RFWD3: variants seen among roughly 807,000 people sequenced by gnomAD.
The protein encoded by RFWD3 is ring finger and WD repeat domain 3, also known as E3 ubiquitin-protein ligase RFWD3.
In RFWD3, 65 loss-of-function variants were observed where a neutral mutation model predicts 87.7. The observed-to-expected ratio is 0.74, with a 90% CI of 0.61 to 0.91. The LOEUF (loss-of-function observed/expected upper bound fraction) is 0.91. Ranked by LOEUF, RFWD3 falls within the 40% of genes least tolerant of loss-of-function variation. The probability of loss-of-function intolerance (pLI) is 0.00; values close to 1 mark genes in which losing one functional copy is unlikely to be tolerated. For synonymous variants in RFWD3, 433 were observed against 352.8 expected, an observed-to-expected ratio of 1.23 and a Z score of -2.55; for missense variants, 1,078 against 938.5, an observed-to-expected ratio of 1.15 and a Z score of -1.94.
chr16:74,644,578 G>A lies in RFWD3; in HGVS notation c.950C>T (p.Ser317Phe). 6.2e-7 allele frequency: 1 copy of A among 1,614,168 alleles called. No homozygotes were observed. Among genetic ancestry groups the A allele is most frequent in the Non-Finnish European group, 8.5e-7 (1 of 1,180,042 alleles). Residue 317 changes from serine (S) to phenylalanine (F), a missense_variant, in exon 5 of 13, where the codon TCC (serine) becomes TTC (phenylalanine). Physicochemically the swap from Ser to Phe is radical, Grantham distance 155 (BLOSUM62 -2). Transcript: ENST00000361070. ...TCGTACTTGTCCTTTAAGCCACGTG[G>A]AAATGCACCTATACCCAAAGAGATG... ...CGHLFGYRCI[S>F]TWLKGQVRKC...
chr16:74,654,528 C>T (rs1384120770), intron 2 of RFWD3, among the ~76,000 whole-genome samples: 1 of 152,054 alleles, frequency 6.6e-6, no homozygotes, highest in African/African-American at 2.4e-5. Flanking sequence ...ATTCCTTATT[C>T]CCTGAGACAA....
chr16:74,656,420 T>C (rs758599981), intron 2 of RFWD3, among the ~76,000 whole-genome samples: 1 of 152,008 alleles, frequency 6.6e-6, no homozygotes, highest in South Asian at 2.1e-4. Context: ...AGATGATAGC[T>C]GCCAGTGATT....
At chr16:74,656,030 C>T (rs1960949631) in intron 2 of RFWD3, among the ~76,000 whole-genome samples, 1 of 152,106 alleles carries the variant, frequency 6.6e-6, no homozygotes, top group Admixed American at 6.6e-5. Context: ...GTTAATATAA[C>T]ATATTCTGCA....
rs559386440 is a variant in RFWD3, at chr16:74,650,039, C to G, written c.722-837G>C. On this transcript the variant is annotated intron_variant, in intron 3 of 12. Coordinates refer to ENST00000361070, the MANE Select transcript of RFWD3 (RefSeq NM_018124.4). ...TCAATCCACATTTGCATCTGCAGCC[C>G]TGGGCAACCACTAATATTATCTCTG... Among the ~76,000 whole-genome samples, 8 of 152,304 alleles carry G rather than the reference C, an allele frequency of 5.3e-5. No homozygotes were observed. The East Asian group carries it at 1.5e-3, about 29-fold the overall frequency.
At chr16:74,661,821 G>A (rs1220102918) in intron 1 of RFWD3, among the ~76,000 whole-genome samples, 2 of 152,118 alleles carry the variant, frequency 1.3e-5, no homozygotes, top group African/African-American at 2.4e-5. Context: ...AAAATCAAAT[G>A]CATATAATGC....
At chr16:74,637,998 G>C in intron 6 of RFWD3, 28 bp from the exon 7 acceptor site, 3 of 1,529,090 alleles carry the variant, frequency 2.0e-6, no homozygotes, top group Non-Finnish European at 2.7e-6. Flanking sequence ...GCAACAAGTG[G>C]GGATTAGGAA....
chr16:74,663,387 T>C (rs544133753), intron 1 of RFWD3, among the ~76,000 whole-genome samples: 83 of 152,148 alleles, frequency 5.5e-4, no homozygotes, highest in African/African-American at 2.0e-3. Context: ...GGAAAAACAA[T>C]GTTTCAAGGA....
intron 2 of RFWD3, among the ~76,000 whole-genome samples, chr16:74,653,475 G>A (rs1960725499): frequency 6.6e-6 from 1 of 150,794 alleles, no homozygotes; most frequent in African/African-American, 2.4e-5. Context: ...GGTGGCAAGA[G>A]AGAGACTCCA....
intron 10 of RFWD3, among the ~76,000 whole-genome samples, chr16:74,630,473 C>G (rs1959060172): frequency 6.6e-6 from 1 of 152,194 alleles, no homozygotes; most frequent in Non-Finnish European, 1.5e-5. Context: ...GAAAATACAA[C>G]TAAGGTCACA....
At chr16:74,653,737 TATTG>T (rs905183657) in intron 2 of RFWD3, among the ~76,000 whole-genome samples, 8 of 152,196 alleles carry the variant, frequency 5.3e-5, no homozygotes, top group African/African-American at 1.4e-4. Context: ...TTAAATAAAA[TATTG>T]ATTATTACCC....
intron 4 of RFWD3, 81 bp from the exon 5 acceptor site, chr16:74,644,816 A>G: frequency 1.5e-6 from 2 of 1,318,426 alleles, no homozygotes; most frequent in South Asian, 2.8e-5. Context: ...AGAAATTAAC[A>G]GAAGTGCAAA....
At position 74,644,344 on chromosome 16, in the gene RFWD3, C is replaced by T; in HGVS notation, c.1079+18G>A. 2 of 1,611,918 alleles carry T rather than the reference C, an allele frequency of 1.2e-6. No individual in the cohort carries two copies. The highest frequency in any genetic ancestry group is 1.7e-6 in the Non-Finnish European group (2 of 1,178,436). ...ACCAAAAGGGAACATTCCAGCCAGGCATACTCTTACCACCTACCTTTTCAT... is the reference window on the plus strand; with the variant it reads ...ACCAAAAGGGAACATTCCAGCCAGGTATACTCTTACCACCTACCTTTTCAT... On this transcript the variant is annotated intron_variant, in intron 6 of 12. Coordinates refer to ENST00000361070, the MANE Select transcript of RFWD3 (RefSeq NM_018124.4).
At chr16:74,665,303 C>G (rs1487319394) in intron 1 of RFWD3, 1 of 152,358 alleles carries the variant, frequency 6.6e-6, no homozygotes, top group Non-Finnish European at 1.5e-5. Context: ...AAAAATAGAA[C>G]AGGTCAGGCG....
At chr16:74,632,900 C>T (rs1959144639) in intron 8 of RFWD3, among the ~76,000 whole-genome samples, 1 of 152,108 alleles carries the variant, frequency 6.6e-6, no homozygotes, top group African/African-American at 2.4e-5. Flanking sequence ...CTTCTGCCTC[C>T]CGGTGATCTG....
chr16:74,657,374 T>C (rs975198357), intron 2 of RFWD3, among the ~76,000 whole-genome samples: 1 of 152,184 alleles, frequency 6.6e-6, no homozygotes, highest in Non-Finnish European at 1.5e-5. Context: ...TATGAAAAAG[T>C]TGATCCTGAC....
chr16:74,628,652 G>T lies in RFWD3; in HGVS notation c.1769C>A (p.Ser590Tyr). The T allele has an allele frequency of 6.2e-7, 1 of 1,614,174 alleles. No individual in the cohort carries two copies. Among genetic ancestry groups the T allele is most frequent in the Non-Finnish European group, 8.5e-7 (1 of 1,180,036 alleles). The change falls in exon 11 of 13, where the codon TCC (serine) becomes TAC (tyrosine). Residue 590 changes from serine to tyrosine, a missense_variant. Transcript: ENST00000361070. ...GGCAGCTCTGGGCATGTATGACAGG[G>T]AGACCAGTGGGCATCTGAAAGGAAA... is the stretch of plus-strand genomic sequence containing the variant. ...VAQKARCPLVSLSYMPRAASA... is the reference protein window; with the variant it reads ...VAQKARCPLVYLSYMPRAASA...
chr16:74,661,619 T>C (rs1244970779), intron 1 of RFWD3, among the ~76,000 whole-genome samples, 168 bp from the exon 2 acceptor site: 1 of 152,198 alleles, frequency 6.6e-6, no homozygotes, highest in Non-Finnish European at 1.5e-5. Flanking sequence ...TGTTTGGTAA[T>C]GGACTTTCCT....
At chr16:74,629,283 CCT>C (rs1462304187) in intron 10 of RFWD3, among the ~76,000 whole-genome samples, 3 of 152,104 alleles carry the variant, frequency 2.0e-5, no homozygotes, top group African/African-American at 7.2e-5. Flanking sequence ...TTTTATTTTC[CCT>C]GTCACAATAA....
chr16:74,630,673 T>G, intron 10 of RFWD3, 108 bp downstream of exon 10: 3 of 918,606 alleles, frequency 3.3e-6, no homozygotes, highest in Non-Finnish European at 4.6e-6. Flanking sequence ...TCAAAAAATT[T>G]GTGAGGATTT....
Sources: gnomAD v4.1 joint callset for allele counts (sites outside exome capture counted in the v4.1 genomes callset) on GRCh38, gnomAD v4.1.1 for gene constraint, MANE v1.5 for transcripts, NCBI Gene and HGNC (gene_info 2026-07-23, HGNC 2026-07-21) for gene names.